The following ADAM10 variants were observed in gnomAD, a reference collection of about 807,000 sequenced individuals.
ADAM10 encodes ADAM metallopeptidase domain 10.
A neutral mutation model predicts 90.1 loss-of-function variants in ADAM10; 17 were observed. The observed-to-expected ratio is 0.19, with a 90% CI of 0.13 to 0.28. The LOEUF (loss-of-function observed/expected upper bound fraction) is 0.28. ADAM10 is among the 10% of genes least tolerant of loss of function. The probability of loss-of-function intolerance (pLI) is 1.00; values close to 1 mark genes in which losing one functional copy is unlikely to be tolerated. For missense variants in ADAM10, 610 were observed against 914.3 expected, an observed-to-expected ratio of 0.67 and a Z score of 4.29; for synonymous variants, 310 against 298.6, an observed-to-expected ratio of 1.04 and a Z score of -0.40.
chr15:58,637,523 T>C (rs569072527), intron 8 of ADAM10, among the ~76,000 whole-genome samples: 10 of 152,334 alleles, frequency 6.6e-5, no homozygotes, highest in African/African-American at 1.4e-4. Context: ...CATTATGCCA[T>C]GACAATTACC....
intron 1 of ADAM10, among the ~76,000 whole-genome samples, chr15:58,745,415 A>T (rs1363574150): frequency 6.6e-6 from 1 of 152,210 alleles, no homozygotes; most frequent in Non-Finnish European, 1.5e-5. Flanking sequence ...CAGTAGAAAA[A>T]GAAATGGTTT....
chr15:58,727,238 C>T (rs1314325788), intron 1 of ADAM10, among the ~76,000 whole-genome samples: 1 of 142,432 alleles, frequency 7.0e-6, no homozygotes, highest in Admixed American at 7.3e-5. Context: ...TTGCCCAGGC[C>T]GTAGCGCAAC....
At chr15:58,632,543 T>C (rs1174747752) in intron 9 of ADAM10, among the ~76,000 whole-genome samples, 1 of 152,192 alleles carries the variant, frequency 6.6e-6, no homozygotes, top group East Asian at 1.9e-4. Flanking sequence ...AACCAAACAC[T>C]GCCCCTGAAG....
At chr15:58,630,741 G>T (rs1485064044) in intron 9 of ADAM10, among the ~76,000 whole-genome samples, 2 of 152,198 alleles carry the variant, frequency 1.3e-5, no homozygotes, top group African/African-American at 2.4e-5. Context: ...AAACGTATAA[G>T]AGAGAAAGAG....
At chr15:58,734,369 T>C (rs772930270) in intron 1 of ADAM10, among the ~76,000 whole-genome samples, 20 of 152,164 alleles carry the variant, frequency 1.3e-4, no homozygotes, top group Non-Finnish European at 1.5e-4. Context: ...CAGTGTCACA[T>C]AGCAAACAGG....
intron 14 of ADAM10, among the ~76,000 whole-genome samples, chr15:58,606,058 A>G (rs1201984519): frequency 6.6e-6 from 1 of 152,176 alleles, no homozygotes; most frequent in Non-Finnish European, 1.5e-5. Context: ...AGTCAACCAT[A>G]TGATCCTTTC....
At chr15:58,698,406 T>TAAAAAA (rs56797082) in intron 2 of ADAM10, 26 of 201,734 alleles carry the variant, frequency 1.3e-4, no homozygotes, top group South Asian at 3.4e-4. Context: ...ACCCCATCTC[T>TAAAAAA]AAAAAAAAAA....
chr15:58,735,001 G>A (rs1226087132), intron 1 of ADAM10, among the ~76,000 whole-genome samples: 1 of 152,310 alleles, frequency 6.6e-6, no homozygotes, highest in East Asian at 1.9e-4. Context: ...CACATGCAGA[G>A]ACTGGACCTA....
In ADAM10 at chr15:58,678,864, G is replaced by A. The variant is rs540735182; in HGVS notation, c.484+260C>T. Among the ~76,000 whole-genome samples the A allele has an allele frequency of 2.1e-4, 32 of 152,236 alleles. No homozygotes were observed. In the East Asian group the frequency reaches 2.5e-3, roughly 12 times the overall value. ...GTCAAAATATACGATTTCCAGTTCC[G>A]TCAGATTTGGTTGACTCACACAGTT... is the stretch of plus-strand genomic sequence containing the variant. On this transcript the variant is annotated intron_variant, in intron 4 of 15. Transcript: ENST00000260408.
intron 11 of ADAM10, among the ~76,000 whole-genome samples, chr15:58,615,773 C>T (rs1039739399): frequency 2.6e-5 from 4 of 151,964 alleles, no homozygotes; most frequent in South Asian, 2.1e-4. Context: ...TTTGGGAGGC[C>T]GAGGCGGGCA....
At position 58,717,601 on chromosome 15, in the gene ADAM10, C is replaced by T. The variant is rs144893047; in HGVS notation, c.182G>A (p.Arg61His). ...CCTTCCATGGGCATGGAAATCTAGA[C>T]GTAAAAATTGGTCTTCATGTGAGAC... is the stretch of plus-strand genomic sequence containing the variant. ...RAVSHEDQFL[R>H]LDFHAHGRHF... The change falls in exon 2 of 16, where the codon CGT (arginine) becomes CAT (histidine). Residue 61 changes from arginine (R) to histidine (H), a missense_variant. Physicochemically the swap from Arg to His is conservative, Grantham distance 29 (BLOSUM62 0). Coordinates refer to ENST00000260408, the MANE Select transcript of ADAM10 (RefSeq NM_001110.4). 3.0e-4 allele frequency: 478 copies of T among 1,613,786 alleles called. 1 individual carries two copies. In the African/African-American group the frequency reaches 5.9e-3, roughly 20 times the overall value.
At chr15:58,702,225 T>G (rs79027683) in intron 2 of ADAM10, among the ~76,000 whole-genome samples, 1 of 152,144 alleles carries the variant, frequency 6.6e-6, no homozygotes, top group Admixed American at 6.6e-5. Flanking sequence ...GTTCTCACTC[T>G]TATGGGTGAG....
chr15:58,728,241 G>A (rs1051137640), intron 1 of ADAM10, among the ~76,000 whole-genome samples: 5 of 152,146 alleles, frequency 3.3e-5, no homozygotes, highest in African/African-American at 7.2e-5. Context: ...GGTCAAAGAA[G>A]AAATCAAATG....
chr15:58,687,063 T>G (rs1371330800), intron 2 of ADAM10, among the ~76,000 whole-genome samples: 1 of 152,250 alleles, frequency 6.6e-6, no homozygotes, highest in Non-Finnish European at 1.5e-5. Flanking sequence ...CATAAAAAAT[T>G]TGTTCTTTTC....
At chr15:58,659,000 G>C (rs574428372) in intron 5 of ADAM10, among the ~76,000 whole-genome samples, 1 of 152,038 alleles carries the variant, frequency 6.6e-6, no homozygotes, top group Non-Finnish European at 1.5e-5. Flanking sequence ...TTGGCTGGGC[G>C]CAGTGGGCTC....
rs1019743377 is a variant in ADAM10, at chr15:58,733,830, C to T, written c.55+15650G>A. Among the ~76,000 whole-genome samples the T allele has an allele frequency of 5.3e-5, 8 of 151,602 alleles. No individual in the cohort carries two copies. The South Asian group carries it at 1.0e-3, about 20-fold the overall frequency. On this transcript the variant is annotated intron_variant, in intron 1 of 15. Coordinates refer to ENST00000260408, the MANE Select transcript of ADAM10 (RefSeq NM_001110.4). ...TACTACACTAACTAGGAGTACCAAA[C>T]CATGCTGAATAACAAGTGTAGGCAT...
intron 2 of ADAM10, chr15:58,703,970 G>C (rs1047592857): frequency 7.8e-5 from 12 of 153,240 alleles, no homozygotes; most frequent in African/African-American, 2.9e-4. Flanking sequence ...ATATACCCTT[G>C]ACCAAAGACC....
chr15:58,591,678 T>A lies in ADAM10; in HGVS notation c.*5869A>T, dbSNP rs369108858. 6.6e-6 allele frequency: 1 copy of A among 152,242 alleles called. No individual in the cohort carries two copies. Among genetic ancestry groups the A allele is most frequent in the East Asian group, 1.9e-4 (1 of 5,202 alleles). 9.4% of individuals were successfully genotyped at this position (152,242 alleles called of 1,614,324 possible). On this transcript the variant is annotated 3_prime_UTR_variant, in exon 16 of 16. Coordinates refer to ENST00000260408, the MANE Select transcript of ADAM10 (RefSeq NM_001110.4). ...AATAATTATCAACTCACAGCCAATC[T>A]TGTTTCAACTATATCCACACACACC...
chr15:58,743,602 A>G (rs1203262407), intron 1 of ADAM10, among the ~76,000 whole-genome samples: 19 of 151,520 alleles, frequency 1.3e-4, no homozygotes, highest in African/African-American at 4.6e-4. Flanking sequence ...CCTTTAAACA[A>G]AATACTTTTT....
Sources: gnomAD v4.1 joint callset for allele counts (sites outside exome capture counted in the v4.1 genomes callset) on GRCh38, gnomAD v4.1.1 for gene constraint, MANE v1.5 for transcripts, NCBI Gene and HGNC (gene_info 2026-07-23, HGNC 2026-07-21) for gene names.